The following SLC35D4 variants were observed in gnomAD, a reference collection of about 807,000 sequenced individuals.
SLC35D4 encodes UDP-N-acetylglucosamine transporter SLC35D4.
At chr18:23,316,596 A>C in the SLC35D4 span, among the ~76,000 whole-genome samples, 14 of 152,240 alleles carry the variant, frequency 9.2e-5, no homozygotes, top group Non-Finnish European at 1.8e-4. Flanking sequence ...ATGAACCATT[A>C]ATCTTGCCAG....
At chr18:23,315,472 A>G in the SLC35D4 span, among the ~76,000 whole-genome samples, 115 of 152,266 alleles carry the variant, frequency 7.6e-4, 3 homozygotes, top group East Asian at 0.021. Flanking sequence ...TCTTCTCCCA[A>G]TCAGGGCATG....
the SLC35D4 span, among the ~76,000 whole-genome samples, chr18:23,334,285 C>T: frequency 1.3e-5 from 2 of 152,094 alleles, no homozygotes; most frequent in Non-Finnish European, 2.9e-5. Flanking sequence ...TCTTCTTGGA[C>T]ACAGATGCAA....
chr18:23,386,205 GT>G, the SLC35D4 span, among the ~76,000 whole-genome samples: 1 of 150,060 alleles, frequency 6.7e-6, no homozygotes, highest in African/African-American at 2.4e-5. Flanking sequence ...ACCTGTAAAT[GT>G]TGTCTGCTAT....
the SLC35D4 span, among the ~76,000 whole-genome samples, chr18:23,261,678 C>CAA: frequency 2.0e-5 from 3 of 152,314 alleles, no homozygotes; most frequent in African/African-American, 7.2e-5. Flanking sequence ...TTTCCTACCT[C>CAA]AAATACACTC....
chr18:23,307,632 C>T, the SLC35D4 span, among the ~76,000 whole-genome samples: 8 of 152,222 alleles, frequency 5.3e-5, no homozygotes, highest in African/African-American at 1.9e-4. Context: ...GAGCGGAGGG[C>T]GAGCCCGGGG....
the SLC35D4 span, among the ~76,000 whole-genome samples, chr18:23,356,867 C>T: frequency 6.6e-6 from 1 of 152,124 alleles, no homozygotes; most frequent in South Asian, 2.1e-4. This position sits in a 1 kb window ranked among gnomAD's most constrained non-coding sequence, Gnocchi z 4.1. Flanking sequence ...TAATAATGCC[C>T]ATTTAGTGAG....
chr18:23,256,110 G>T, the SLC35D4 span, among the ~76,000 whole-genome samples: 1 of 152,134 alleles, frequency 6.6e-6, no homozygotes, highest in African/African-American at 2.4e-5. Flanking sequence ...CTAACTCAAG[G>T]TCTCATCCCA....
the SLC35D4 span, among the ~76,000 whole-genome samples, chr18:23,435,939 G>A: frequency 1.3e-5 from 2 of 151,382 alleles, no homozygotes; most frequent in Admixed American, 1.3e-4. Flanking sequence ...CAAGCGATCC[G>A]CTCACCTCAG....
chr18:23,417,335 C>A, the SLC35D4 span, among the ~76,000 whole-genome samples: 1 of 152,064 alleles, frequency 6.6e-6, no homozygotes, highest in Admixed American at 6.6e-5. Context: ...CATTGTTCAG[C>A]CTCCACAAGG....
chr18:23,432,239 T>G, the SLC35D4 span, among the ~76,000 whole-genome samples: 1 of 152,178 alleles, frequency 6.6e-6, no homozygotes, highest in South Asian at 2.1e-4. Flanking sequence ...GCCTACATAC[T>G]GGAGGAAATC....
chr18:23,257,904 A>C, the SLC35D4 span: 1 of 152,564 alleles, frequency 6.6e-6, no homozygotes, highest in East Asian at 1.9e-4. Flanking sequence ...GAGATACTGC[A>C]TCAGCCCTAG....
At chr18:23,424,756 T>C in the SLC35D4 span, among the ~76,000 whole-genome samples, 2 of 152,134 alleles carry the variant, frequency 1.3e-5, no homozygotes, top group Non-Finnish European at 1.5e-5. Flanking sequence ...CCTGTAATCC[T>C]GGGAGGATCG....
the SLC35D4 span, among the ~76,000 whole-genome samples, chr18:23,418,998 A>C: frequency 6.6e-6 from 1 of 151,424 alleles, no homozygotes; most frequent in Non-Finnish European, 1.5e-5. Context: ...ACAGAGCGAG[A>C]CTCTGTCTCA....
the SLC35D4 span, among the ~76,000 whole-genome samples, chr18:23,365,265 TTTTTGAAC>T: frequency 6.6e-6 from 1 of 152,126 alleles, no homozygotes; most frequent in Admixed American, 6.5e-5. Flanking sequence ...TTCAGGGAGT[TTTTTGAAC>T]TTTTGAACTT....
chr18:23,395,470 A>G, the SLC35D4 span, among the ~76,000 whole-genome samples: 2 of 152,218 alleles, frequency 1.3e-5, no homozygotes, highest in South Asian at 4.1e-4. Context: ...AGGAAGGACC[A>G]AGATCAAAGA....
chr18:23,279,295 A>G, the SLC35D4 span, among the ~76,000 whole-genome samples: 5 of 152,296 alleles, frequency 3.3e-5, no homozygotes, highest in African/African-American at 9.6e-5. Context: ...ACTGTCCCCA[A>G]CATCTCCCCC....
the SLC35D4 span, among the ~76,000 whole-genome samples, chr18:23,332,264 C>G: frequency 6.6e-6 from 1 of 152,016 alleles, no homozygotes; most frequent in East Asian, 1.9e-4. Flanking sequence ...TAAAATTCAC[C>G]CTGTGGAAGA....
the SLC35D4 span, among the ~76,000 whole-genome samples, chr18:23,243,991 A>C: frequency 1.3e-5 from 2 of 151,550 alleles, no homozygotes; most frequent in Non-Finnish European, 2.9e-5. Flanking sequence ...TGATTTTGAC[A>C]TTTCACCCAG....
the SLC35D4 span, among the ~76,000 whole-genome samples, chr18:23,325,049 G>A: frequency 2.0e-5 from 3 of 152,038 alleles, no homozygotes; most frequent in Admixed American, 1.3e-4. Context: ...GAGCGTCTCC[G>A]AGCCCCGTGT....
Sources: allele counts gnomAD v4.1 joint callset (sites outside exome capture counted in the v4.1 genomes callset), GRCh38; gene constraint gnomAD v4.1.1; non-coding constraint Gnocchi (gnomAD v3.1); transcripts MANE v1.5; gene names NCBI Gene and HGNC (gene_info 2026-07-23, HGNC 2026-07-21).